The following CDH18 variants were observed in gnomAD, a reference collection of about 807,000 sequenced individuals.
CDH18 encodes cadherin-18.
A neutral mutation model predicts 67.9 loss-of-function variants in CDH18; 31 were observed. That is an observed-to-expected ratio of 0.46 (90% CI 0.34 to 0.62). The LOEUF (loss-of-function observed/expected upper bound fraction) is 0.62, where lower values mean the gene tolerates loss of function less well. Among genes scored for constraint, CDH18 ranks in the 20% least tolerant of loss-of-function variants. The pLI is 0.01. For missense variants in CDH18, 890 were observed against 975.5 expected, an observed-to-expected ratio of 0.91 and a Z score of 1.17; for synonymous variants, 362 against 347.2, an observed-to-expected ratio of 1.04 and a Z score of -0.48.
intron 12 of CDH18, among the ~76,000 whole-genome samples, chr5:19,474,270 A>G (rs1180515119): frequency 6.6e-6 from 1 of 152,166 alleles, no homozygotes; most frequent in African/African-American, 2.4e-5. Flanking sequence ...CTTTAAAATT[A>G]TATTATCATG....
At chr5:20,045,594 T>C (rs1356307467) in intron 2 of CDH18, among the ~76,000 whole-genome samples, 2 of 151,710 alleles carry the variant, frequency 1.3e-5, no homozygotes, top group South Asian at 2.1e-4. Context: ...TATATATATA[T>C]GAAAAAATAT....
At chr5:19,752,302 G>T (rs1770955809) in intron 3 of CDH18, among the ~76,000 whole-genome samples, 1 of 152,026 alleles carries the variant, frequency 6.6e-6, no homozygotes, top group African/African-American at 2.4e-5. Flanking sequence ...AGCCCTGCTT[G>T]CCCATTGCCT....
intron 10 of CDH18, among the ~76,000 whole-genome samples, chr5:19,507,040 A>G (rs1159682914): frequency 6.6e-6 from 1 of 152,200 alleles, no homozygotes; most frequent in Admixed American, 6.5e-5. Flanking sequence ...TCTACAATGA[A>G]CTCAAACAAA....
intron 2 of CDH18, among the ~76,000 whole-genome samples, chr5:20,013,418 T>C (rs1225986779): frequency 2.0e-5 from 3 of 152,092 alleles, no homozygotes; most frequent in Non-Finnish European, 4.4e-5. Context: ...AAGTTATCCG[T>C]TGTAGCTCAA....
intron 2 of CDH18, among the ~76,000 whole-genome samples, chr5:19,912,541 T>C (rs1791269848): frequency 6.6e-6 from 1 of 152,204 alleles, no homozygotes; most frequent in African/African-American, 2.4e-5. Flanking sequence ...TTGTCTATTT[T>C]AAGCTTCCCT....
intron 2 of CDH18, among the ~76,000 whole-genome samples, chr5:19,870,720 C>T (rs1218828433): frequency 6.6e-6 from 1 of 152,056 alleles, no homozygotes; most frequent in Non-Finnish European, 1.5e-5. Flanking sequence ...TATAGAAAAA[C>T]AAGCAGTGTG....
At chr5:20,443,538 C>T (rs191838365) in intron 1 of CDH18, among the ~76,000 whole-genome samples, 4 of 151,876 alleles carry the variant, frequency 2.6e-5, no homozygotes, top group East Asian at 3.9e-4. Flanking sequence ...CAATAGTGAA[C>T]GCCAGATACC....
In CDH18 at chr5:20,061,385, T is replaced by C. The variant is rs1742473240; in HGVS notation, c.-517-69371A>G. ...TTCCTTTCAACTTAAAATTACAGAA[T>C]ATTTACTGAATACACATTGACCAAA... On this transcript the variant is annotated intron_variant, in intron 2 of 14. Transcript: ENST00000507958. 2.0e-5 allele frequency among the ~76,000 whole-genome samples: 3 copies of C among 152,284 alleles called. No individual in the cohort carries two copies. In the South Asian group the frequency reaches 6.2e-4, roughly 32 times the overall value.
intron 5 of CDH18, among the ~76,000 whole-genome samples, chr5:19,656,448 G>C (rs1756414612): frequency 6.6e-6 from 1 of 152,126 alleles, no homozygotes; most frequent in Non-Finnish European, 1.5e-5. Context: ...ATTTAATCAA[G>C]TGTTATTGAG....
Position 20,135,984 on chromosome 5 carries a change from C to G in CDH18, c.-518+119460G>C, listed in dbSNP as rs550084098. On this transcript the variant is annotated intron_variant, in intron 2 of 14. Coordinates refer to the CDH18 transcript ENST00000507958. Reference sequence around the variant, plus strand: ...GTTTGTTATAGTTTCTCTTCTTTTACATTTGCTGAGGAGTGCTTTACTTCC... The same window carrying G: ...GTTTGTTATAGTTTCTCTTCTTTTAGATTTGCTGAGGAGTGCTTTACTTCC... 1.3e-4 allele frequency among the ~76,000 whole-genome samples: 20 copies of G among 152,270 alleles called. No homozygotes were observed. The South Asian group carries it at 2.3e-3, about 17-fold the overall frequency.
At chr5:19,835,542 T>G (rs1052944202) in intron 3 of CDH18, among the ~76,000 whole-genome samples, 1 of 152,048 alleles carries the variant, frequency 6.6e-6, no homozygotes, top group Non-Finnish European at 1.5e-5. Flanking sequence ...TCACTATGAA[T>G]GTATTTATAA....
intron 2 of CDH18, among the ~76,000 whole-genome samples, chr5:19,858,498 G>C (rs1237792697): frequency 2.0e-5 from 3 of 152,164 alleles, no homozygotes; most frequent in Non-Finnish European, 4.4e-5. Flanking sequence ...CAGATCAGGA[G>C]CATATAAACG....
chr5:20,425,164 G>A (rs1380197923), intron 1 of CDH18, among the ~76,000 whole-genome samples: 1 of 150,926 alleles, frequency 6.6e-6, no homozygotes, highest in African/African-American at 2.5e-5. Flanking sequence ...TCAGAAGTTT[G>A]AGTCCAGCCT....
intron 2 of CDH18, among the ~76,000 whole-genome samples, chr5:19,844,019 G>T (rs1034210096): frequency 1.3e-5 from 2 of 152,154 alleles, no homozygotes; most frequent in African/African-American, 4.8e-5. Flanking sequence ...ATCTATGAAA[G>T]AACTAACTTG....
intron 1 of CDH18, among the ~76,000 whole-genome samples, chr5:20,534,102 T>G: frequency 6.6e-6 from 1 of 152,090 alleles, no homozygotes; most frequent in Admixed American, 6.6e-5. Flanking sequence ...AGACTAATAT[T>G]ATGCCAATTG....
Position 20,507,827 on chromosome 5 carries a change from G to A in CDH18, c.-580+67635C>T, listed in dbSNP as rs139328505. On this transcript the variant is annotated intron_variant, in intron 1 of 14. Transcript: ENST00000507958. Reference sequence around the variant, plus strand: ...ACATAAGGGCATTTTGAGCATACACGTTTAGAAAATTTTGCCCAACTAAAT... The same window carrying A: ...ACATAAGGGCATTTTGAGCATACACATTTAGAAAATTTTGCCCAACTAAAT... Among the ~76,000 whole-genome samples the A allele has an allele frequency of 1.1e-4, 17 of 152,134 alleles. 1 individual carries two copies. Among genetic ancestry groups the A allele is most frequent in the East Asian group, 1.9e-4 (1 of 5,180 alleles).
At chr5:20,069,625 A>G (rs1349532807) in intron 2 of CDH18, among the ~76,000 whole-genome samples, 1 of 151,906 alleles carries the variant, frequency 6.6e-6, no homozygotes, top group Non-Finnish European at 1.5e-5. Context: ...GTTGGCCCGG[A>G]TGGTCTTTAT....
intron 1 of CDH18, among the ~76,000 whole-genome samples, chr5:20,564,112 A>G (rs1002591810): frequency 6.6e-6 from 1 of 151,824 alleles, no homozygotes; most frequent in Admixed American, 6.6e-5. Flanking sequence ...TACTTCCACA[A>G]TCGGTTCACC....
At chr5:19,634,971 T>C (rs891528052) in intron 5 of CDH18, among the ~76,000 whole-genome samples, 7 of 151,830 alleles carry the variant, frequency 4.6e-5, no homozygotes, top group Middle Eastern at 3.2e-3. Context: ...AAAAAGAATG[T>C]ATTTGGTGGG....
Sources: allele counts gnomAD v4.1 joint callset (sites outside exome capture counted in the v4.1 genomes callset), GRCh38; gene constraint gnomAD v4.1.1; transcripts MANE v1.5; gene names NCBI Gene and HGNC (gene_info 2026-07-23, HGNC 2026-07-21).